Variants in NEMP2 observed in about 807,000 individuals in gnomAD.
NEMP2 encodes nuclear envelope integral membrane protein 2.
A neutral mutation model predicts 54.2 loss-of-function variants in NEMP2; 53 were observed. That is an observed-to-expected ratio of 0.98 (90% CI 0.78 to 1.23). The LOEUF (loss-of-function observed/expected upper bound fraction) is 1.23. Ranked by LOEUF, NEMP2 falls within the 50% of genes most tolerant of loss-of-function variation. The pLI is 0.00. For synonymous variants in NEMP2, 197 were observed against 190.3 expected (o/e 1.04, Z -0.29); for missense variants, 455 against 511.3 (o/e 0.89, Z 1.06).
At chr2:190,434,847 C>T in the NEMP2 span, among the ~76,000 whole-genome samples, 7 of 152,198 alleles carry the variant, frequency 4.6e-5, no homozygotes, top group Admixed American at 6.5e-5. This position sits in a 1 kb window ranked among gnomAD's most constrained non-coding sequence, Gnocchi z 4.3. Flanking sequence ...CGCTACCACT[C>T]TGTGGCCTGT....
At chr2:190,635,474 A>G in the NEMP2 span, among the ~76,000 whole-genome samples, 1 of 152,116 alleles carries the variant, frequency 6.6e-6, no homozygotes, top group African/African-American at 2.4e-5. The surrounding 1 kb of genome is among the most constrained non-coding windows in gnomAD (Gnocchi z 4.1). Flanking sequence ...TTGGCCTCCC[A>G]AAGTGCTCCC....
At chr2:190,497,712 C>T in the NEMP2 span, 4 of 1,613,194 alleles carry the variant, frequency 2.5e-6, no homozygotes, top group Non-Finnish European at 3.4e-6. This position sits in a 1 kb window ranked among gnomAD's most constrained non-coding sequence, Gnocchi z 5.2. Flanking sequence ...GAGATACAGC[C>T]TTTACAGGTA....
chr2:190,457,110 T>C, the NEMP2 span, among the ~76,000 whole-genome samples: 1 of 152,220 alleles, frequency 6.6e-6, no homozygotes, highest in Non-Finnish European at 1.5e-5. The surrounding 1 kb of genome is among the most constrained non-coding windows in gnomAD (Gnocchi z 5.1). Flanking sequence ...AGGTATTTCC[T>C]CAAGCCCTTG....
the NEMP2 span, among the ~76,000 whole-genome samples, chr2:190,587,056 A>G: frequency 6.6e-6 from 1 of 152,190 alleles, no homozygotes; most frequent in Non-Finnish European, 1.5e-5. This position sits in a 1 kb window ranked among gnomAD's most constrained non-coding sequence, Gnocchi z 5.4. Context: ...TGCTAATTCA[A>G]TTCCCAGTCA....
chr2:190,453,405 T>C, the NEMP2 span, among the ~76,000 whole-genome samples: 1 of 152,112 alleles, frequency 6.6e-6, no homozygotes, highest in Non-Finnish European at 1.5e-5. Context: ...AAGGATGAAG[T>C]TGGAGATGTC....
chr2:190,521,245 T>C lies in NEMP2; in HGVS notation c.214-2062A>G, dbSNP rs923112030. ...CCTCTTCTCCACTGTTGATCCTTCCTACTTCACTGAAAATGGAAGAAATCA... is the reference window on the plus strand; with the variant it reads ...CCTCTTCTCCACTGTTGATCCTTCCCACTTCACTGAAAATGGAAGAAATCA... On this transcript the variant is annotated intron_variant, in intron 2 of 8. Transcript: ENST00000409150. The surrounding 1 kb of genome is among the most constrained non-coding windows in gnomAD (Gnocchi z 6.2). 2.6e-5 allele frequency among the ~76,000 whole-genome samples: 4 copies of C among 152,196 alleles called. No individual in the cohort carries two copies. Among genetic ancestry groups the C allele is most frequent in the African/African-American group, 9.6e-5 (4 of 41,456 alleles).
chr2:190,534,365 G>A, intron 1 of NEMP2, 194 bp downstream of exon 1: 3 of 1,205,514 alleles, frequency 2.5e-6, no homozygotes, highest in South Asian at 8.4e-5. Flanking sequence ...ACTGCCAGGC[G>A]AGAGACTACG....
At chr2:190,463,987 A>G in the NEMP2 span, 3 of 747,258 alleles carry the variant, frequency 4.0e-6, no homozygotes, top group Non-Finnish European at 4.9e-6. The surrounding 1 kb of genome is among the most constrained non-coding windows in gnomAD (Gnocchi z 4.4). Flanking sequence ...AGCTCTTTTC[A>G]TTAGGAAATC....
chr2:190,476,061 TC>T, the NEMP2 span, among the ~76,000 whole-genome samples: 4 of 152,104 alleles, frequency 2.6e-5, no homozygotes, highest in Non-Finnish European at 5.9e-5. Context: ...AGAAATTAAT[TC>T]AAGATGGATT....
chr2:190,487,198 G>A, the NEMP2 span, among the ~76,000 whole-genome samples: 41 of 152,182 alleles, frequency 2.7e-4, 1 homozygote, highest in East Asian at 7.9e-3. This position sits in a 1 kb window ranked among gnomAD's most constrained non-coding sequence, Gnocchi z 5.5. Flanking sequence ...AAAATTAGCT[G>A]GGGGTGGTGG....
the NEMP2 span, among the ~76,000 whole-genome samples, chr2:190,455,934 C>CTTTTTTTTTTTTT: frequency 1.4e-4 from 9 of 65,388 alleles, 2 homozygotes; most frequent in African/African-American, 2.6e-4. Flanking sequence ...ATTTACTCTG[C>CTTTTTTTTTTTTT]TTTTTTTTTT....
chr2:190,448,150 A>G, the NEMP2 span, among the ~76,000 whole-genome samples: 1 of 152,158 alleles, frequency 6.6e-6, no homozygotes, highest in Non-Finnish European at 1.5e-5. Flanking sequence ...CCACCCTCTA[A>G]CAGGCTGAGG....
At chr2:190,610,470 C>G in the NEMP2 span, 1 of 152,192 alleles carries the variant, frequency 6.6e-6, no homozygotes, top group African/African-American at 2.4e-5. The surrounding 1 kb of genome is among the most constrained non-coding windows in gnomAD (Gnocchi z 5.4). Flanking sequence ...AGATCAGAAA[C>G]CCTGTACAGG....
chr2:190,573,261 A>C, the NEMP2 span, among the ~76,000 whole-genome samples: 9 of 152,098 alleles, frequency 5.9e-5, no homozygotes, highest in Non-Finnish European at 1.2e-4. Flanking sequence ...ATTCCCTCAT[A>C]AAGTTGTGTG....
chr2:190,424,872 G>C, the NEMP2 span, among the ~76,000 whole-genome samples: 4 of 152,036 alleles, frequency 2.6e-5, no homozygotes, highest in Non-Finnish European at 5.9e-5. The surrounding 1 kb of genome is among the most constrained non-coding windows in gnomAD (Gnocchi z 5.9). Flanking sequence ...TTAGCTATTC[G>C]TTTCTTTCCT....
chr2:190,428,789 C>T, the NEMP2 span, among the ~76,000 whole-genome samples: 1 of 152,078 alleles, frequency 6.6e-6, no homozygotes, highest in African/African-American at 2.4e-5. Flanking sequence ...TCTCCTGCCT[C>T]AGCCCCCCGA....
chr2:190,572,107 A>C, the NEMP2 span, among the ~76,000 whole-genome samples: 1 of 152,116 alleles, frequency 6.6e-6, no homozygotes, highest in Non-Finnish European at 1.5e-5. Flanking sequence ...AAGTTTCCTC[A>C]AATGTTCCCA....
At chr2:190,460,511 A>C in the NEMP2 span, among the ~76,000 whole-genome samples, 7 of 152,218 alleles carry the variant, frequency 4.6e-5, no homozygotes, top group Admixed American at 4.6e-4. Flanking sequence ...TGAAGTATTC[A>C]TATTTTCTCT....
chr2:190,484,959 CTGAGT>C, the NEMP2 span, among the ~76,000 whole-genome samples: 1 of 152,036 alleles, frequency 6.6e-6, no homozygotes, highest in Non-Finnish European at 1.5e-5. Context: ...ACTTAATTCC[CTGAGT>C]TAATTTAAAG....
Sources: allele counts gnomAD v4.1 joint callset (sites outside exome capture counted in the v4.1 genomes callset), GRCh38; gene constraint gnomAD v4.1.1; non-coding constraint Gnocchi (gnomAD v3.1); transcripts MANE v1.5; gene names NCBI Gene and HGNC (gene_info 2026-07-23, HGNC 2026-07-21).